The following DNAH14 variants were observed in gnomAD, a reference collection of about 807,000 sequenced individuals.
The protein encoded by DNAH14 is dynein axonemal heavy chain 14.
A neutral mutation model predicts 520.9 loss-of-function variants in DNAH14; 478 were observed. The observed-to-expected ratio is 0.92, with a 90% confidence interval of 0.85 to 0.99. The LOEUF (loss-of-function observed/expected upper bound fraction) is 0.99. DNAH14 is among the 50% of genes least tolerant of loss of function. The pLI is 0.00. For synonymous variants in DNAH14, 1,581 were observed against 1,757.2 expected (o/e 0.90, Z 2.51); for missense variants, 4,831 against 5,234.5 (o/e 0.92, Z 2.38).
At chr1:225,234,039 T>C (rs113060992) in intron 42 of DNAH14, among the ~76,000 whole-genome samples, 2,119 of 152,322 alleles carry the variant, frequency 0.014, 20 homozygotes, top group Non-Finnish European at 0.023. Flanking sequence ...ATTTATTAAA[T>C]AGGGAATCCT....
chr1:225,027,678 T>G (rs1379832630), intron 11 of DNAH14, among the ~76,000 whole-genome samples: 2 of 152,030 alleles, frequency 1.3e-5, no homozygotes, highest in East Asian at 3.9e-4. Context: ...TCATGAGAAC[T>G]TACTATCATG....
chr1:225,094,909 C>T (rs975142944), intron 21 of DNAH14, among the ~76,000 whole-genome samples: 1 of 150,302 alleles, frequency 6.7e-6, no homozygotes, highest in African/African-American at 2.4e-5. Flanking sequence ...GGCCAACAAG[C>T]ATATGAAAAA....
chr1:225,255,366 A>C (rs1030656641), intron 44 of DNAH14, among the ~76,000 whole-genome samples: 8 of 152,178 alleles, frequency 5.3e-5, no homozygotes, highest in Non-Finnish European at 8.8e-5. Context: ...TAGGTTGGCT[A>C]TTCAAGGATT....
intron 77 of DNAH14, among the ~76,000 whole-genome samples, chr1:225,371,428 T>G (rs2095617643): frequency 6.6e-6 from 1 of 152,080 alleles, no homozygotes; most frequent in Admixed American, 6.5e-5. Flanking sequence ...AAGGAACCAC[T>G]TAAATATGAA....
rs775049047 is a variant in DNAH14 at position 225,089,464 on chromosome 1, A to AAAAAAAAAAAAAAAAAG, written c.3573+3676_3573+3677insAAAAAAAAAAAAAAAGA. Among the ~76,000 whole-genome samples the AAAAAAAAAAAAAAAAAG allele has an allele frequency of 1.1e-3, 147 of 138,176 alleles. 1 individual carries two copies. Among genetic ancestry groups the AAAAAAAAAAAAAAAAAG allele is most frequent in the Non-Finnish European group, 2.0e-3 (124 of 62,922 alleles). The allele number at this position is 138,176 out of a possible 152,430, so 90.6% of individuals were successfully genotyped here. On this transcript the variant is annotated intron_variant, in intron 21 of 85. Coordinates refer to ENST00000682510, the MANE Select transcript of DNAH14 (RefSeq NM_001367479.1). ...CGTCAAAAAAAAAAAAAAAAAAAAAAAGAGAGCGAGAGAAAGAAAAGAAAA... is the reference window on the plus strand; with the variant it reads ...CGTCAAAAAAAAAAAAAAAAAAAAAAAAAAAAAAAAAAAAAAGAGAGAGCGAGAGAAAGAAAAGAAAA...
At chr1:224,930,075 A>T (rs1272188561) in intron 1 of DNAH14, among the ~76,000 whole-genome samples, 2 of 152,118 alleles carry the variant, frequency 1.3e-5, no homozygotes, top group African/African-American at 2.4e-5. Flanking sequence ...GGAGCTCTCA[A>T]CGCGAGGTTC....
At chr1:225,240,860 T>A (rs909409311) in intron 43 of DNAH14, 38 bp downstream of exon 43, 6 of 1,348,268 alleles carry the variant, frequency 4.5e-6, no homozygotes, top group Non-Finnish European at 6.1e-6. Context: ...ATACTTATTT[T>A]AAAATATTAA....
At chr1:225,176,893 T>C (rs2083396939) in intron 36 of DNAH14, among the ~76,000 whole-genome samples, 1 of 152,088 alleles carries the variant, frequency 6.6e-6, no homozygotes, top group Non-Finnish European at 1.5e-5. Flanking sequence ...AACAGACAAA[T>C]GCAGTAAACT....
chr1:225,119,561 G>A (rs560644379), intron 26 of DNAH14, among the ~76,000 whole-genome samples: 103 of 152,264 alleles, frequency 6.8e-4, no homozygotes, highest in Admixed American at 1.5e-3. Context: ...TTTTGTGTAC[G>A]TTGAGATTCA....
At chr1:225,188,259 A>G (rs2084977482) in intron 37 of DNAH14, among the ~76,000 whole-genome samples, 1 of 151,864 alleles carries the variant, frequency 6.6e-6, no homozygotes, top group Non-Finnish European at 1.5e-5. Flanking sequence ...TAAGCTTTAA[A>G]CACTACATTA....
intron 8 of DNAH14, among the ~76,000 whole-genome samples, chr1:224,979,949 G>T (rs2062144337): frequency 6.6e-6 from 1 of 152,170 alleles, no homozygotes; most frequent in South Asian, 2.1e-4. Context: ...TTCATAATCT[G>T]CTGACTAAAG....
intron 8 of DNAH14, among the ~76,000 whole-genome samples, chr1:224,983,805 A>G (rs2062437491): frequency 1.3e-5 from 2 of 152,082 alleles, no homozygotes; most frequent in South Asian, 4.1e-4. Context: ...ACAATAGCTG[A>G]AAAGAAATAC....
In DNAH14 at chr1:225,082,707, A is replaced by C. The variant is rs3128655; in HGVS notation, c.3295A>C (p.Asn1099His). The C allele has an allele frequency of 3.9e-6, 6 of 1,550,544 alleles. No individual in the cohort carries two copies. The Admixed American group carries it at 1.2e-4, about 31-fold the overall frequency. The change falls in exon 20 of 86, where the codon AAC becomes CAC. Residue 1099 changes from asparagine to histidine, a missense_variant. Physicochemically the swap from Asn to His is moderately conservative, Grantham distance 68. Coordinates refer to ENST00000682510, the MANE Select transcript of DNAH14 (RefSeq NM_001367479.1). Reference protein sequence around the residue: ...IIGKSVPLDKNCKVENLLALK... With the variant: ...IIGKSVPLDKHCKVENLLALK... ...TGGGAAGTCAGTTCCGCTTGATAAA[A>C]ACTGTAAAGTAGAGAATCTTCTAGC...
chr1:225,139,085 T>G lies in DNAH14; in HGVS notation c.4255-1683T>G, dbSNP rs80047233. 3.9e-3 allele frequency among the ~76,000 whole-genome samples: 595 copies of G among 152,268 alleles called. 5 individuals are homozygous for G. Among genetic ancestry groups the G allele is most frequent in the African/African-American group, 0.014 (563 of 41,548 alleles). On this transcript the variant is annotated intron_variant, in intron 27 of 85. Transcript: ENST00000682510. ...TTTTCAAGTCTTTGTTAAAATAACC[T>G]TGGATTGTGGACACAAGTTATTATT...
intron 23 of DNAH14, among the ~76,000 whole-genome samples, chr1:225,108,815 CA>C (rs2076280339): frequency 1.3e-5 from 2 of 152,188 alleles, no homozygotes; most frequent in South Asian, 4.1e-4. Flanking sequence ...AGAATTTCCA[CA>C]GCGTTTTCTT....
At chr1:225,270,671 G>T in intron 49 of DNAH14, 64 bp from the exon 50 acceptor site, 1 of 1,415,924 alleles carries the variant, frequency 7.1e-7, no homozygotes, top group South Asian at 1.5e-5. Context: ...GGACAGAGAC[G>T]TAGGTACATA....
intron 41 of DNAH14, among the ~76,000 whole-genome samples, chr1:225,219,264 A>G (rs2089782082): frequency 6.6e-6 from 1 of 152,176 alleles, no homozygotes; most frequent in South Asian, 2.1e-4. Flanking sequence ...GAACTAGAGA[A>G]GCAAGAGCAA....
intron 8 of DNAH14, among the ~76,000 whole-genome samples, chr1:224,994,475 G>T (rs2063262956): frequency 1.3e-5 from 2 of 151,918 alleles, no homozygotes; most frequent in African/African-American, 2.4e-5. Flanking sequence ...TATTTTATCT[G>T]ATATAACTAT....
intron 26 of DNAH14, among the ~76,000 whole-genome samples, chr1:225,119,780 A>G (rs947223051): frequency 2.6e-5 from 4 of 152,188 alleles, no homozygotes; most frequent in Admixed American, 2.6e-4. Context: ...AACTTTCAAA[A>G]CTAACTTGAC....
Sources: gnomAD v4.1 joint callset for allele counts (sites outside exome capture counted in the v4.1 genomes callset) on GRCh38, gnomAD v4.1.1 for gene constraint, MANE v1.5 for transcripts, NCBI Gene and HGNC (gene_info 2026-07-23, HGNC 2026-07-21) for gene names.